The following SAPCD2 variants were observed in gnomAD, a reference collection of about 807,000 sequenced individuals.
SAPCD2 encodes suppressor APC domain containing 2, also known as suppressor APC domain-containing protein 2.
In SAPCD2, 34 loss-of-function variants were observed where a neutral mutation model predicts 37.8. The ratio of observed to expected loss-of-function variants is 0.90; its 90% confidence interval spans 0.68 to 1.20. The LOEUF (loss-of-function observed/expected upper bound fraction) is 1.20, where lower values mean the gene tolerates loss of function less well. Among genes scored for constraint, SAPCD2 ranks in the 50% most tolerant of loss-of-function variants. SAPCD2 has a pLI of 0.00. For synonymous variants in SAPCD2, 275 were observed against 270.3 expected (o/e 1.02, Z -0.17); for missense variants, 572 against 584.7 (o/e 0.98, Z 0.22).
chr9:137,064,410 G>A lies in SAPCD2; in HGVS notation c.*249C>T. ...AGCGGCAGTAGTAGCTGCGGACTAT[G>A]CGGACTCAAGAGAGCCCCAGCCCAT... On this transcript the variant is annotated 3_prime_UTR_variant, in exon 6 of 6. Transcript: ENST00000409687. 1.7e-6 allele frequency: 1 copy of A among 571,454 alleles called. No homozygotes were observed. Among genetic ancestry groups the A allele is most frequent in the East Asian group, 3.0e-5 (1 of 33,728 alleles). The allele number at this position is 571,454 out of a possible 1,614,324, so 35.4% of individuals were successfully genotyped here.
Position 137,064,935 on chromosome 9 carries a change from C to G in SAPCD2, c.984G>C (p.Thr328=). 1 of 1,554,126 alleles carries G rather than the reference C, an allele frequency of 6.4e-7. No individual in the cohort carries two copies. The highest frequency in any genetic ancestry group is 8.7e-7 in the Non-Finnish European group (1 of 1,149,558). ...GCTGCCAGACCGGGGGTGAGGTGGACGTCAGGGCAGGGCAGGGGGGCCCGG... is the reference window on the plus strand; with the variant it reads ...GCTGCCAGACCGGGGGTGAGGTGGAGGTCAGGGCAGGGCAGGGGGGCCCGG... The part of the protein sequence containing the change: ...SSSGPPCPAL[T]STSPPVWQQQ... The change falls in exon 5 of 6, where the codon ACG becomes ACC. Residue 328 remains threonine, a synonymous_variant. Coordinates refer to ENST00000409687, the MANE Select transcript of SAPCD2 (RefSeq NM_178448.4).
At position 137,064,876 on chromosome 9, in the gene SAPCD2, C is replaced by T. The variant is rs150193971; in HGVS notation, c.1043G>A (p.Arg348Gln). ...CGCCTGCCCTACCTGGGTGAGGAGTCGGTTCTGCTCCTTCAGCATGAGGAT... is the reference window on the plus strand; with the variant it reads ...CGCCTGCCCTACCTGGGTGAGGAGTTGGTTCTGCTCCTTCAGCATGAGGAT... The part of the protein sequence containing the change: ...QTILMLKEQN[R>Q]LLTQEVTEKS... The change falls in exon 5 of 6, where the codon CGA (arginine) becomes CAA (glutamine). Residue 348 changes from arginine (R) to glutamine (Q), a missense_variant. Physicochemically the swap from Arg to Gln is conservative, Grantham distance 43 (BLOSUM62 1). Coordinates refer to ENST00000409687, the MANE Select transcript of SAPCD2 (RefSeq NM_178448.4). The T allele has an allele frequency of 1.6e-4, 257 of 1,563,898 alleles. No individual in the cohort carries two copies. The African/African-American group carries it at 3.1e-3, about 19-fold the overall frequency.
In SAPCD2 at chr9:137,069,952, C is replaced by T. The variant is rs954600767; in HGVS notation, c.509G>A (p.Cys170Tyr). The change falls in exon 1 of 6, where the codon TGC becomes TAC. Residue 170 changes from cysteine to tyrosine, a missense_variant. Cys to Tyr is a radical substitution (Grantham distance 194). Coordinates refer to ENST00000409687, the MANE Select transcript of SAPCD2 (RefSeq NM_178448.4). ...CTGGGACCGCTCGGGCTCCGCGGGG[C>T]AGGGCGCCGCCTCAGCCGGGGCGCA... ...QLCAPAEAAP[C>Y]PAEPERSQSA... is the part of the protein sequence containing the mutation. 5 of 1,258,824 alleles carry T rather than the reference C, an allele frequency of 4.0e-6. No homozygotes were observed. The highest frequency in any genetic ancestry group is 4.0e-6 in the Non-Finnish European group (4 of 1,003,076). The allele number at this position is 1,258,824 out of a possible 1,614,324, so 78.0% of individuals were successfully genotyped here. A position where few individuals can be genotyped will look rare whatever the true frequency, so the allele number is the denominator to read the frequency against.
intron 3 of SAPCD2, 147 bp from the exon 4 acceptor site, chr9:137,065,332 AG>A (rs894892128): frequency 1.1e-6 from 1 of 921,104 alleles, no homozygotes; most frequent in Non-Finnish European, 1.6e-6. Context: ...CTGAGGTGGG[AG>A]GTCTGCCCAA....
At position 137,064,502 on chromosome 9, in the gene SAPCD2, G is replaced by A; in HGVS notation, c.*157C>T. 1 of 814,918 alleles carries A rather than the reference G, an allele frequency of 1.2e-6. No homozygotes were observed. The highest frequency in any genetic ancestry group is 2.8e-5 in the Admixed American group (1 of 35,818). 50.5% of individuals were successfully genotyped at this position (814,918 alleles called of 1,614,324 possible). ...GGGACCAGCCGGGGGCAGGCCTGGGGAGCCCATCTGGCAAGGGCGGCAGGA... is the reference window on the plus strand; with the variant it reads ...GGGACCAGCCGGGGGCAGGCCTGGGAAGCCCATCTGGCAAGGGCGGCAGGA... On this transcript the variant is annotated 3_prime_UTR_variant, in exon 6 of 6. Transcript: ENST00000409687.
At chr9:137,066,842 G>A (rs1407718304) in intron 1 of SAPCD2, among the ~76,000 whole-genome samples, 1 of 152,202 alleles carries the variant, frequency 6.6e-6, no homozygotes, top group Non-Finnish European at 1.5e-5. Context: ...CTTTTCCCAG[G>A]ATGGTGACTC....
rs893219758 is a variant in SAPCD2 at position 137,062,239 on chromosome 9, G to C, written c.*2420C>G. The C allele has an allele frequency of 2.0e-5, 3 of 151,888 alleles. No individual in the cohort carries two copies. The highest frequency in any genetic ancestry group is 4.4e-5 in the Non-Finnish European group (3 of 67,996). The allele number at this position is 151,888 out of a possible 1,614,324, so 9.4% of individuals were successfully genotyped here. ...CTAGAGTCAATCTGTTGCTTCTGCT[G>C]GGTCTCATAGTGTATTGTTTCCTTG... On this transcript the variant is annotated 3_prime_UTR_variant, in exon 6 of 6. Coordinates refer to ENST00000409687, the MANE Select transcript of SAPCD2 (RefSeq NM_178448.4).
rs768480901 is a variant in SAPCD2, at chr9:137,064,555, G to T, written c.*104C>A. On this transcript the variant is annotated 3_prime_UTR_variant, in exon 6 of 6. Coordinates refer to ENST00000409687, the MANE Select transcript of SAPCD2 (RefSeq NM_178448.4). The stretch of plus-strand genomic sequence containing the variant: ...GCGCCCACTCCGGGACTGTGCCTGG[G>T]CCTGCCGGGGGTCTCCAGCCAGAGA... 7.3e-7 allele frequency: 1 copy of T among 1,367,970 alleles called. No individual in the cohort carries two copies. The highest frequency in any genetic ancestry group is 1.0e-6 in the Non-Finnish European group (1 of 992,594). The allele number at this position is 1,367,970 out of a possible 1,614,324, so 84.7% of individuals were successfully genotyped here.
chr9:137,066,162 C>A, intron 2 of SAPCD2, 100 bp downstream of exon 2: 1 of 914,516 alleles, frequency 1.1e-6, no homozygotes. Context: ...ACTGTACTTC[C>A]GCCATGGACT....
intron 1 of SAPCD2, 126 bp from the exon 2 acceptor site, chr9:137,066,500 G>C: frequency 1.5e-6 from 1 of 657,718 alleles, no homozygotes; most frequent in Non-Finnish European, 2.6e-6. Flanking sequence ...CATGGCCCAC[G>C]TGTAGCCTCT....
intron 2 of SAPCD2, among the ~76,000 whole-genome samples, chr9:137,065,887 A>G (rs868777200): frequency 6.6e-6 from 1 of 152,138 alleles, no homozygotes; most frequent in Non-Finnish European, 1.5e-5. Flanking sequence ...CCTCCTGCTG[A>G]GGGGTCTTGG....
At chr9:137,067,073 C>T (rs563732145) in intron 1 of SAPCD2, among the ~76,000 whole-genome samples, 8 of 152,214 alleles carry the variant, frequency 5.3e-5, no homozygotes, top group Admixed American at 2.0e-4. Context: ...CTGCAACCTC[C>T]GCCTCCCAGG....
intron 1 of SAPCD2, among the ~76,000 whole-genome samples, chr9:137,066,789 T>C (rs1470836221): frequency 6.6e-6 from 1 of 152,194 alleles, no homozygotes; most frequent in East Asian, 1.9e-4. Context: ...CACGGGGTCC[T>C]GCAAGGCAGC....
chr9:137,067,112 C>T (rs1019374847), intron 1 of SAPCD2, among the ~76,000 whole-genome samples: 29 of 152,200 alleles, frequency 1.9e-4, no homozygotes, highest in African/African-American at 5.8e-4. Context: ...CTCAGCCTCC[C>T]GAGTAGCTGG....
chr9:137,064,884 C>T lies in SAPCD2; in HGVS notation c.1035G>A (p.Glu345=). Residue 345 remains glutamate, a synonymous_variant, in exon 5 of 6, where the codon GAG becomes GAA. Transcript: ENST00000409687. ...CTACCTGGGTGAGGAGTCGGTTCTG[C>T]TCCTTCAGCATGAGGATGGTCTGCT... ...WQQQTILMLK[E]QNRLLTQEVT... The T allele has an allele frequency of 6.4e-7, 1 of 1,563,394 alleles. No individual in the cohort carries two copies. Among genetic ancestry groups the T allele is most frequent in the South Asian group, 1.2e-5 (1 of 85,214 alleles).
intron 1 of SAPCD2, among the ~76,000 whole-genome samples, chr9:137,069,619 C>T (rs575223734): frequency 2.0e-5 from 3 of 152,326 alleles, no homozygotes; most frequent in Non-Finnish European, 4.4e-5. Context: ...TTTTCTGAGT[C>T]ACCTGCCACC....
chr9:137,068,130 C>T lies in SAPCD2; in HGVS notation c.572-1756G>A, dbSNP rs12351954. Among the ~76,000 whole-genome samples the T allele has an allele frequency of 4.6e-3, 699 of 152,296 alleles. 9 individuals are homozygous for T. The highest frequency in any genetic ancestry group is 0.016 in the African/African-American group (671 of 41,548). ...TGCAAGAATTGGGCCCAGGTAGGCA[C>T]GGCAGAGAGCCTGGCTCCAGGCAGG... On this transcript the variant is annotated intron_variant, in intron 1 of 5. Coordinates refer to ENST00000409687, the MANE Select transcript of SAPCD2 (RefSeq NM_178448.4).
In SAPCD2 at chr9:137,070,298, G is replaced by T; in HGVS notation, c.163C>A (p.Arg55Ser). 1 of 1,476,746 alleles carries T rather than the reference G, an allele frequency of 6.8e-7. No homozygotes were observed. The highest frequency in any genetic ancestry group is 2.9e-5 in the East Asian group (1 of 34,656). 91.5% of individuals were successfully genotyped at this position (1,476,746 alleles called of 1,614,324 possible). The change falls in exon 1 of 6, where the codon CGC becomes AGC. Residue 55 changes from arginine (R) to serine (S), a missense_variant. Transcript: ENST00000409687. ...TCCCGCGCGTCGGTGCCCTGCCAGC[G>T]GGACTCGATCTCGCGCAGGTGCACG... ...GCVHLREIESRWQGTDARELP... is the reference protein window; with the variant it reads ...GCVHLREIESSWQGTDARELP...
chr9:137,066,127 G>T (rs1832542430), intron 2 of SAPCD2, 135 bp downstream of exon 2: 3 of 744,358 alleles, frequency 4.0e-6, no homozygotes, highest in African/African-American at 1.7e-5. Flanking sequence ...TCAAGCCCAG[G>T]TAGGGAGAGA....
Sources: allele counts gnomAD v4.1 joint callset (sites outside exome capture counted in the v4.1 genomes callset), GRCh38; gene constraint gnomAD v4.1.1; transcripts MANE v1.5; gene names NCBI Gene and HGNC (gene_info 2026-07-23, HGNC 2026-07-21).